Variants in MSL2 observed in about 807,000 individuals in gnomAD.
The protein encoded by MSL2 is MSL complex subunit 2.
Under a neutral mutation model 35.8 loss-of-function variants are expected in MSL2, and 2 were observed. The ratio of observed to expected loss-of-function variants is 0.06; its 90% CI spans 0.02 to 0.18. The LOEUF (loss-of-function observed/expected upper bound fraction) is 0.18, where lower values mean the gene tolerates loss of function less well. Ranked by LOEUF, MSL2 falls within the 10% of genes least tolerant of loss-of-function variation. The pLI is 1.00. For synonymous variants in MSL2, 296 were observed against 255.7 expected (o/e 1.16, Z -1.50); for missense variants, 523 against 706.7 (o/e 0.74, Z 2.95).
rs183986720 is a variant in MSL2 at position 136,159,546 on chromosome 3, A to G, written c.143-6808T>C. On this transcript the variant is annotated intron_variant, in intron 1 of 1. Coordinates refer to ENST00000309993, the MANE Select transcript of MSL2 (RefSeq NM_018133.4). Reference sequence around the variant, plus strand: ...GCCCAGCTATTTTTTTTTTTTTTGCATTTTTAGTAGAGACGAGGTTTCACC... The same window carrying G: ...GCCCAGCTATTTTTTTTTTTTTTGCGTTTTTAGTAGAGACGAGGTTTCACC... 6.9e-3 allele frequency among the ~76,000 whole-genome samples: 954 copies of G among 139,008 alleles called. 14 individuals carry two copies. Among genetic ancestry groups the G allele is most frequent in the African/African-American group, 0.024 (901 of 36,876 alleles). 91.2% of individuals were successfully genotyped at this position (139,008 alleles called of 152,430 possible). A position where few individuals can be genotyped will look rare whatever the true frequency, so the allele number is the denominator to read the frequency against.
chr3:136,151,091 T>C lies in MSL2; in HGVS notation c.*56A>G. 11 of 1,562,938 alleles carry C rather than the reference T, an allele frequency of 7.0e-6. No homozygotes were observed. The highest frequency in any genetic ancestry group is 9.6e-6 in the Non-Finnish European group (11 of 1,147,782). ...CAAGTTAAACCAACAGAACCATAGC[T>C]GCCGTAAAACTGTAGCTATTTCCCT... On this transcript the variant is annotated 3_prime_UTR_variant, in exon 2 of 2. Transcript: ENST00000309993. This position sits in a 1 kb window ranked among gnomAD's most constrained non-coding sequence, Gnocchi z 5.2.
chr3:136,154,457 T>G (rs188440472), intron 1 of MSL2, among the ~76,000 whole-genome samples: 1 of 152,274 alleles, frequency 6.6e-6, no homozygotes, highest in African/African-American at 2.4e-5. Context: ...AAGCTGCAAC[T>G]GCTCCTTGGT....
intron 1 of MSL2, among the ~76,000 whole-genome samples, chr3:136,180,808 G>GGGA (rs1940331506): frequency 5.8e-4 from 31 of 53,024 alleles, no homozygotes; most frequent in Non-Finnish European, 7.1e-4. Flanking sequence ...GAGGGAGGGA[G>GGGA]GGAAGGAGGG....
In MSL2 at chr3:136,152,721, G is replaced by A; in HGVS notation, c.160C>T (p.Pro54Ser). 2 of 1,613,830 alleles carry A rather than the reference G, an allele frequency of 1.2e-6. No homozygotes were observed. Among genetic ancestry groups the A allele is most frequent in the Non-Finnish European group, 1.7e-6 (2 of 1,179,772 alleles). The change falls in exon 2 of 2, where the codon CCT (proline) becomes TCT (serine). Residue 54 changes from proline (P) to serine (S), a missense_variant. Pro to Ser is a moderately conservative substitution (Grantham distance 74). Coordinates refer to ENST00000309993, the MANE Select transcript of MSL2 (RefSeq NM_018133.4). Reference protein sequence around the residue: ...CCVCGHLLQDPIAPTNSTCQH... With the variant: ...CCVCGHLLQDSIAPTNSTCQH... ...CAGGTGGAGTTGGTGGGTGCAATAG[G>A]ATCTTGTAGCAAATGTCCTAAGGGG...
Position 136,189,147 on chromosome 3 carries a change from A to C in MSL2, c.142+5825T>G, listed in dbSNP as rs374365941. On this transcript the variant is annotated intron_variant, in intron 1 of 1. Coordinates refer to ENST00000309993, the MANE Select transcript of MSL2 (RefSeq NM_018133.4). ...AAAAAAAAAAAAAAACACACACACA[A>C]AAATAAGGCGAGCATGGTACCGCAC... is the stretch of plus-strand genomic sequence containing the variant. 1.4e-3 allele frequency among the ~76,000 whole-genome samples: 201 copies of C among 140,558 alleles called. 1 individual carries two copies. The highest frequency in any genetic ancestry group is 5.3e-3 in the African/African-American group (188 of 35,184). The allele number at this position is 140,558 out of a possible 152,430, so 92.2% of individuals were successfully genotyped here. A position where few individuals can be genotyped will look rare whatever the true frequency, so the allele number is the denominator to read the frequency against.
Position 136,150,379 on chromosome 3 carries a change from C to G in MSL2, c.*768G>C, listed in dbSNP as rs893150539. Reference sequence around the variant, plus strand: ...ATCTTTTTATAATTTTAAAAAAATTCTGTCACATACTACATAGTCTAAATT... The same window carrying G: ...ATCTTTTTATAATTTTAAAAAAATTGTGTCACATACTACATAGTCTAAATT... On this transcript the variant is annotated 3_prime_UTR_variant, in exon 2 of 2. Transcript: ENST00000309993. 1 of 152,506 alleles carries G rather than the reference C, an allele frequency of 6.6e-6. No individual in the cohort carries two copies. The highest frequency in any genetic ancestry group is 1.5e-5 in the Non-Finnish European group (1 of 68,026). 9.4% of individuals were successfully genotyped at this position (152,506 alleles called of 1,614,324 possible). A position where few individuals can be genotyped will look rare whatever the true frequency, so the allele number is the denominator to read the frequency against.
At chr3:136,167,649 C>G (rs1399327278) in intron 1 of MSL2, among the ~76,000 whole-genome samples, 2 of 152,048 alleles carry the variant, frequency 1.3e-5, no homozygotes, top group Non-Finnish European at 2.9e-5. Context: ...ATGCCACTAA[C>G]AGAAAGCAAA....
intron 1 of MSL2, among the ~76,000 whole-genome samples, chr3:136,176,410 G>T (rs1380428148): frequency 6.6e-6 from 1 of 151,484 alleles, no homozygotes; most frequent in Non-Finnish European, 1.5e-5. Flanking sequence ...AGCTACTCGG[G>T]AGGGTGAGGT....
At chr3:136,165,826 C>T (rs1337864631) in intron 1 of MSL2, among the ~76,000 whole-genome samples, 1 of 151,852 alleles carries the variant, frequency 6.6e-6, no homozygotes, top group Non-Finnish European at 1.5e-5. Context: ...GATAGCATAA[C>T]AGGGTGACTA....
Position 136,181,296 on chromosome 3 carries a change from T to C in MSL2, c.142+13676A>G, listed in dbSNP as rs1269036107. Among the ~76,000 whole-genome samples, 4 of 152,154 alleles carry C rather than the reference T, an allele frequency of 2.6e-5. No homozygotes were observed. In the East Asian group the frequency reaches 7.7e-4, roughly 29 times the overall value. On this transcript the variant is annotated intron_variant, in intron 1 of 1. Transcript: ENST00000309993. Reference sequence around the variant, plus strand: ...ACCGTTGATCTATTGAATGAAGTATTGAAACAATGAGTAAGAGTTAATAAA... The same window carrying C: ...ACCGTTGATCTATTGAATGAAGTATCGAAACAATGAGTAAGAGTTAATAAA...
At chr3:136,172,775 A>G (rs992000944) in intron 1 of MSL2, among the ~76,000 whole-genome samples, 4 of 152,122 alleles carry the variant, frequency 2.6e-5, no homozygotes, top group African/African-American at 9.7e-5. Context: ...TCAAGAGCTA[A>G]TAAAAAAAAA....
rs1337304568 is a variant in MSL2, at chr3:136,150,155, C to CTA, written c.*990_*991dup. The CTA allele has an allele frequency of 3.3e-5, 5 of 152,586 alleles. No individual in the cohort carries two copies. Among genetic ancestry groups the CTA allele is most frequent in the African/African-American group, 1.2e-4 (5 of 41,524 alleles). The allele number at this position is 152,586 out of a possible 1,614,324, so 9.5% of individuals were successfully genotyped here. A position where few individuals can be genotyped will look rare whatever the true frequency, so the allele number is the denominator to read the frequency against. On this transcript the variant is annotated 3_prime_UTR_variant, in exon 2 of 2. Coordinates refer to ENST00000309993, the MANE Select transcript of MSL2 (RefSeq NM_018133.4). ...ATAAAAAGGCATTCTTATTAGGCCT[C>CTA]TATAAAGAAGCCTTCATAATGAACA...
At chr3:136,155,525 T>C (rs1321444903) in intron 1 of MSL2, 1 of 186,814 alleles carries the variant, frequency 5.4e-6, no homozygotes, top group Non-Finnish European at 1.1e-5. Flanking sequence ...AATAAATAAA[T>C]AAATTTAAAA....
At chr3:136,177,607 A>G (rs915504096) in intron 1 of MSL2, among the ~76,000 whole-genome samples, 9 of 149,040 alleles carry the variant, frequency 6.0e-5, no homozygotes, top group African/African-American at 2.0e-4. Context: ...TGAACCCAGG[A>G]GGCAGAGCTC....
intron 1 of MSL2, among the ~76,000 whole-genome samples, chr3:136,175,928 C>A (rs907067953): frequency 1.3e-5 from 2 of 152,094 alleles, no homozygotes; most frequent in African/African-American, 4.8e-5. Context: ...CTTAGCAAGG[C>A]ATTCTCAAAC....
intron 1 of MSL2, among the ~76,000 whole-genome samples, chr3:136,176,532 A>C (rs1031061476): frequency 4.0e-5 from 6 of 151,304 alleles, no homozygotes; most frequent in Non-Finnish European, 8.8e-5. Context: ...AAAAAAAAAA[A>C]AAAAAACTTT....
At chr3:136,169,236 G>T (rs1939942026) in intron 1 of MSL2, among the ~76,000 whole-genome samples, 1 of 64,104 alleles carries the variant, frequency 1.6e-5, no homozygotes, top group Non-Finnish European at 3.4e-5. Flanking sequence ...TTTGGCGGGG[G>T]GGGGGGGGGG....
At chr3:136,175,956 A>C (rs1940160630) in intron 1 of MSL2, among the ~76,000 whole-genome samples, 1 of 152,156 alleles carries the variant, frequency 6.6e-6, no homozygotes, top group Non-Finnish European at 1.5e-5. Flanking sequence ...AAATCTCTGA[A>C]TTATAGCACC....
intron 1 of MSL2, among the ~76,000 whole-genome samples, chr3:136,189,192 T>C (rs1940613088): frequency 7.2e-6 from 1 of 139,718 alleles, no homozygotes; most frequent in African/African-American, 2.7e-5. Context: ...CCCAACTAAT[T>C]GAAAGGCTGA....
Sources: gnomAD v4.1 joint callset for allele counts (sites outside exome capture counted in the v4.1 genomes callset) on GRCh38, gnomAD v4.1.1 for gene constraint, Gnocchi (gnomAD v3.1) non-coding constraint, MANE v1.5 for transcripts, NCBI Gene and HGNC (gene_info 2026-07-23, HGNC 2026-07-21) for gene names.